LIN7A: variants seen among roughly 807,000 people sequenced by gnomAD.
LIN7A encodes the protein protein lin-7 homolog A.
Under a neutral mutation model 29.8 loss-of-function variants are expected in LIN7A, and 25 were observed. The observed-to-expected ratio is 0.84, with a 90% CI of 0.61 to 1.17. The LOEUF (loss-of-function observed/expected upper bound fraction) is 1.17, where lower values mean the gene tolerates loss of function less well. Among genes scored for constraint, LIN7A ranks in the 50% most tolerant of loss-of-function variants. LIN7A has a pLI of 0.00. For synonymous variants in LIN7A, 118 were observed against 107.5 expected (o/e 1.10, Z -0.60); for missense variants, 239 against 287.0 (o/e 0.83, Z 1.21).
At chr12:80,817,696 A>G in intron 4 of LIN7A, among the ~76,000 whole-genome samples, 1 of 152,192 alleles carries the variant, frequency 6.6e-6, no homozygotes, top group Non-Finnish European at 1.5e-5. Flanking sequence ...AGACCTTTAG[A>G]AATAATCTCA....
intron 3 of LIN7A, among the ~76,000 whole-genome samples, chr12:80,846,254 A>C (rs1873071745): frequency 6.6e-6 from 1 of 152,094 alleles, no homozygotes; most frequent in East Asian, 1.9e-4. Context: ...AGTCCAAATA[A>C]CTTTGTTATA....
rs375023716 is a variant in LIN7A, at chr12:80,894,708, G to A, written c.83-5339C>T. 8.5e-5 allele frequency among the ~76,000 whole-genome samples: 13 copies of A among 152,182 alleles called. No individual in the cohort carries two copies. The East Asian group carries it at 2.1e-3, about 25-fold the overall frequency. On this transcript the variant is annotated intron_variant, in intron 1 of 5. Transcript: ENST00000552864. ...CTCATCTCAGATGATTCTGATGCAG[G>A]AAGTGGTTCACAAATGCACTCTACA...
intron 1 of LIN7A, among the ~76,000 whole-genome samples, chr12:80,934,053 A>G (rs12311427): frequency 0.4 from 60,619 of 151,914 alleles, 14,899 homozygotes; most frequent in African/African-American, 0.69. Context: ...CTTATCATCC[A>G]TCTCTCCCAT....
At chr12:80,818,995 A>G (rs1871667824) in intron 4 of LIN7A, among the ~76,000 whole-genome samples, 1 of 152,240 alleles carries the variant, frequency 6.6e-6, no homozygotes, top group South Asian at 2.1e-4. Context: ...ATATCTTTTA[A>G]TAAGCTACAG....
intron 2 of LIN7A, among the ~76,000 whole-genome samples, chr12:80,863,696 T>C (rs565251741): frequency 6.9e-4 from 105 of 152,316 alleles, no homozygotes; most frequent in African/African-American, 2.5e-3. Flanking sequence ...CATAGTCCTC[T>C]TAACATAGAA....
intron 2 of LIN7A, among the ~76,000 whole-genome samples, chr12:80,870,264 G>A (rs1874360980): frequency 6.6e-6 from 1 of 152,122 alleles, no homozygotes; most frequent in African/African-American, 2.4e-5. Context: ...CCATTTGCCA[G>A]GGAATTTAAT....
intron 4 of LIN7A, among the ~76,000 whole-genome samples, chr12:80,840,969 C>T (rs1436145482): frequency 1.3e-5 from 2 of 152,160 alleles, no homozygotes; most frequent in Admixed American, 6.6e-5. Flanking sequence ...TGTTTAAAAG[C>T]TCTTTATTAT....
At chr12:80,828,589 G>A (rs1386792902) in intron 4 of LIN7A, among the ~76,000 whole-genome samples, 2 of 152,068 alleles carry the variant, frequency 1.3e-5, no homozygotes, top group African/African-American at 4.8e-5. Flanking sequence ...TAGCAAAATA[G>A]TGACTTCTCA....
intron 2 of LIN7A, among the ~76,000 whole-genome samples, chr12:80,882,265 G>A (rs545859878): frequency 6.9e-6 from 1 of 144,734 alleles, no homozygotes; most frequent in Non-Finnish European, 1.5e-5. Context: ...AGTAATAACA[G>A]TACTATCATT....
chr12:80,848,241 C>T lies in LIN7A; in HGVS notation c.273+10G>A, dbSNP rs1404776156. The T allele has an allele frequency of 6.2e-7, 1 of 1,608,260 alleles. No individual in the cohort carries two copies. The highest frequency in any genetic ancestry group is 1.7e-5 in the Admixed American group (1 of 59,952). On this transcript the variant is annotated intron_variant, in intron 3 of 5. Coordinates refer to ENST00000552864, the MANE Select transcript of LIN7A (RefSeq NM_004664.4). ...GGTCAAGTATATTTTTAAAGTTACTCAAGCCTTACCTTTGCTGTTGCCCTC... is the reference window on the plus strand; with the variant it reads ...GGTCAAGTATATTTTTAAAGTTACTTAAGCCTTACCTTTGCTGTTGCCCTC...
intron 4 of LIN7A, among the ~76,000 whole-genome samples, chr12:80,814,503 T>C (rs1349322473): frequency 6.6e-6 from 1 of 152,184 alleles, no homozygotes; most frequent in Non-Finnish European, 1.5e-5. Context: ...TTTTATTTAA[T>C]AGGGTTGGAG....
chr12:80,800,668 A>G (rs1010935787), intron 5 of LIN7A, among the ~76,000 whole-genome samples: 2 of 152,170 alleles, frequency 1.3e-5, no homozygotes, highest in Non-Finnish European at 2.9e-5. Flanking sequence ...ACCAAAATTT[A>G]AGAAATAAGT....
chr12:80,881,802 G>GTTT (rs1183063721), intron 2 of LIN7A, among the ~76,000 whole-genome samples: 8 of 152,066 alleles, frequency 5.3e-5, no homozygotes, highest in Non-Finnish European at 4.4e-5. Flanking sequence ...TTACAAATGA[G>GTTT]CCCATTTGTA....
intron 1 of LIN7A, among the ~76,000 whole-genome samples, chr12:80,900,335 G>A (rs1876146491): frequency 6.6e-6 from 1 of 152,034 alleles, no homozygotes; most frequent in South Asian, 2.1e-4. Context: ...GGTTTCTCTA[G>A]TTACTCTAGG....
At chr12:80,851,845 A>G (rs1014881156) in intron 2 of LIN7A, among the ~76,000 whole-genome samples, 10 of 152,166 alleles carry the variant, frequency 6.6e-5, no homozygotes, top group Admixed American at 5.2e-4. Flanking sequence ...GGTTTTATAT[A>G]TCTCAGCATT....
At chr12:80,928,315 C>T (rs1877716514) in intron 1 of LIN7A, among the ~76,000 whole-genome samples, 2 of 152,244 alleles carry the variant, frequency 1.3e-5, no homozygotes, top group South Asian at 4.2e-4. Flanking sequence ...CCAATTTACA[C>T]TCCCACCAAG....
chr12:80,936,047 G>A (rs991217642), intron 1 of LIN7A, among the ~76,000 whole-genome samples: 5 of 152,094 alleles, frequency 3.3e-5, no homozygotes, highest in African/African-American at 1.2e-4. Context: ...ATTTTGTAAT[G>A]GGACAATATA....
At chr12:80,927,318 C>T (rs1307932754) in intron 1 of LIN7A, among the ~76,000 whole-genome samples, 4 of 151,830 alleles carry the variant, frequency 2.6e-5, no homozygotes, top group Admixed American at 6.6e-5. Flanking sequence ...CCCGCCACCG[C>T]GCCCAGCTAA....
intron 1 of LIN7A, among the ~76,000 whole-genome samples, chr12:80,916,427 A>G (rs1877033173): frequency 6.6e-6 from 1 of 151,846 alleles, no homozygotes; most frequent in African/African-American, 2.4e-5. Flanking sequence ...AGCTCTACTG[A>G]GCTCATTGCT....
Sources: gnomAD v4.1 joint callset for allele counts (sites outside exome capture counted in the v4.1 genomes callset) on GRCh38, gnomAD v4.1.1 for gene constraint, MANE v1.5 for transcripts, NCBI Gene and HGNC (gene_info 2026-07-23, HGNC 2026-07-21) for gene names.